LRRC8E: variants seen among roughly 807,000 people sequenced by gnomAD.
LRRC8E encodes volume-regulated anion channel subunit LRRC8E.
Under a neutral mutation model 6.1 loss-of-function variants are expected in LRRC8E, and 6 were observed. The observed-to-expected ratio is 0.98, with a 90% CI of 0.54 to 1.93. The LOEUF (loss-of-function observed/expected upper bound fraction) is 1.93, where lower values mean the gene tolerates loss of function less well. Ranked by LOEUF, LRRC8E falls within the 30% of genes most tolerant of loss-of-function variation. LRRC8E has a pLI of 0.01. For synonymous variants in LRRC8E, 485 were observed against 472.8 expected, an observed-to-expected ratio of 1.03 and a Z score of -0.33; for missense variants, 1,028 against 1,031.4, an observed-to-expected ratio of 1.00 and a Z score of 0.04.
At chr19:7,888,951 CAGAACCT>C (rs962928639) in intron 1 of LRRC8E, among the ~76,000 whole-genome samples, 5 of 152,184 alleles carry the variant, frequency 3.3e-5, no homozygotes, top group African/African-American at 4.8e-5. Flanking sequence ...CTCAGAGCTC[CAGAACCT>C]ACCACTTGGG....
At chr19:7,898,429 G>A (rs990097588) in intron 2 of LRRC8E, among the ~76,000 whole-genome samples, 1 of 151,760 alleles carries the variant, frequency 6.6e-6, no homozygotes, top group Non-Finnish European at 1.5e-5. Context: ...GCGCGATCTC[G>A]GCTCACTGCA....
rs539298408 is a variant in LRRC8E at position 7,890,766 on chromosome 19, G to A, written c.-6+2166G>A. 3.3e-5 allele frequency among the ~76,000 whole-genome samples: 5 copies of A among 151,948 alleles called. 1 individual carries two copies. In the South Asian group the frequency reaches 6.3e-4, roughly 19 times the overall value. On this transcript the variant is annotated intron_variant, in intron 1 of 2. Coordinates refer to ENST00000306708, the MANE Select transcript of LRRC8E (RefSeq NM_025061.6). ...ATCACACCACTGCACTCCAGCCTGG[G>A]CGACAGAGTGAGACTCTGTCTCAAA...
At chr19:7,889,870 C>A (rs915249210) in intron 1 of LRRC8E, among the ~76,000 whole-genome samples, 3 of 151,862 alleles carry the variant, frequency 2.0e-5, no homozygotes, top group African/African-American at 7.2e-5. Context: ...CTGCCTCAGC[C>A]TCCTGAGTAG....
chr19:7,900,190 T>G lies in LRRC8E; in HGVS notation c.1668T>G (p.Val556=), dbSNP rs1466408128. The change falls in exon 3 of 3, where the codon GTT becomes GTG. Residue 556 remains valine, a synonymous_variant. Coordinates refer to ENST00000306708, the MANE Select transcript of LRRC8E (RefSeq NM_025061.6). The surrounding 1 kb of genome is among the most constrained non-coding windows in gnomAD (Gnocchi z 5.0). ...AGKVPASVTD[V]AGHLQRLSLH... ...AGGTGCCAGCCAGTGTGACCGACGT[T>G]GCTGGCCACCTGCAGAGGCTCAGCC... 1 of 1,612,964 alleles carries G rather than the reference T, an allele frequency of 6.2e-7. No homozygotes were observed. The highest frequency in any genetic ancestry group is 8.5e-7 in the Non-Finnish European group (1 of 1,179,844).
chr19:7,899,279 A>G lies in LRRC8E; in HGVS notation c.757A>G (p.Thr253Ala). The change falls in exon 3 of 3, where the codon ACC becomes GCC. Residue 253 changes from threonine to alanine, a missense_variant. Transcript: ENST00000306708. ...MHVEEGDILY[T>A]MYIRQTVLKV... ...CGTGGAAGAGGGCGACATCCTGTACACCATGTACATCCGACAGACGGTGCT... is the reference window on the plus strand; with the variant it reads ...CGTGGAAGAGGGCGACATCCTGTACGCCATGTACATCCGACAGACGGTGCT... 2 of 1,614,182 alleles carry G rather than the reference A, an allele frequency of 1.2e-6. No homozygotes were observed. The highest frequency in any genetic ancestry group is 1.7e-6 in the Non-Finnish European group (2 of 1,180,030).
At chr19:7,896,765 T>A (rs1258196061) in intron 2 of LRRC8E, among the ~76,000 whole-genome samples, 1 of 151,936 alleles carries the variant, frequency 6.6e-6, no homozygotes, top group Non-Finnish European at 1.5e-5. Flanking sequence ...AGCTAATTTT[T>A]AAATTTCTTG....
At position 7,900,080 on chromosome 19, in the gene LRRC8E, C is replaced by G. The variant is rs753338599; in HGVS notation, c.1558C>G (p.Gln520Glu). Residue 520 changes from glutamine to glutamate, a missense_variant, in exon 3 of 3, where the codon CAG becomes GAG. Gln to Glu is a conservative substitution (Grantham distance 29, BLOSUM62 2). Coordinates refer to ENST00000306708, the MANE Select transcript of LRRC8E (RefSeq NM_025061.6). This position sits in a 1 kb window ranked among gnomAD's most constrained non-coding sequence, Gnocchi z 5.0. Reference sequence around the variant, plus strand: ...GCTGCACCTGGAGGGGCTTTTCCCCCAGGAGCTAGCTCGGGCAGCCACCCT... The same window carrying G: ...GCTGCACCTGGAGGGGCTTTTCCCCGAGGAGCTAGCTCGGGCAGCCACCCT... ...EELHLEGLFP[Q>E]ELARAATLES... 1 of 1,612,180 alleles carries G rather than the reference C, an allele frequency of 6.2e-7. No individual in the cohort carries two copies. Among genetic ancestry groups the G allele is most frequent in the Non-Finnish European group, 8.5e-7 (1 of 1,179,826 alleles).
chr19:7,892,393 A>AGAAATG (rs1981362662), intron 1 of LRRC8E, among the ~76,000 whole-genome samples: 1 of 151,974 alleles, frequency 6.6e-6, no homozygotes, highest in South Asian at 2.1e-4. Context: ...ATTTTTTTGT[A>AGAAATG]GAAATGGGGT....
At position 7,898,721 on chromosome 19, in the gene LRRC8E, GC is replaced by G; in HGVS notation, c.203del (p.Pro68ArgfsTer120). On this transcript the variant is annotated frameshift_variant, in exon 3 of 3. Coordinates refer to ENST00000306708, the MANE Select transcript of LRRC8E (RefSeq NM_025061.6). LOFTEE classifies it low-confidence loss of function (END_TRUNC). ...NHELQENLSEAPCQQLLPRGI... is the reference protein window; with the variant it reads ...NHELQENLSEXPCQQLLPRGI... ...TGAGCTCCAGGAGAACTTATCAGAGGCCCCGTGCCAGCAATTGCTGCCTCGG... is the reference window on the plus strand; with the variant it reads ...TGAGCTCCAGGAGAACTTATCAGAGGCCCGTGCCAGCAATTGCTGCCTCGG... 3.7e-6 allele frequency: 6 copies of G among 1,613,800 alleles called. No homozygotes were observed. The highest frequency in any genetic ancestry group is 5.1e-6 in the Non-Finnish European group (6 of 1,179,830).
intron 1 of LRRC8E, among the ~76,000 whole-genome samples, chr19:7,894,108 G>A (rs958372452): frequency 2.0e-5 from 3 of 152,192 alleles, no homozygotes; most frequent in Non-Finnish European, 4.4e-5. Context: ...TGGGTCAGGG[G>A]ACCAGGGTTT....
Position 7,900,803 on chromosome 19 carries a change from C to T in LRRC8E, c.2281C>T (p.Pro761Ser). Residue 761 changes from proline to serine, a missense_variant, in exon 3 of 3, where the codon CCA becomes TCA. Transcript: ENST00000306708. This position sits in a 1 kb window ranked among gnomAD's most constrained non-coding sequence, Gnocchi z 5.0. ...CAAAGGCAACCGCTTAGAGGCGCTG[C>T]CAGAAGAACTTGGCAACTGTGGGGG... ...ELKGNRLEAL[P>S]EELGNCGGLK... The T allele has an allele frequency of 6.3e-7, 1 of 1,599,236 alleles. No individual in the cohort carries two copies. The highest frequency in any genetic ancestry group is 8.5e-7 in the Non-Finnish European group (1 of 1,171,658).
chr19:7,901,415 A>C lies in LRRC8E; in HGVS notation c.*502A>C, dbSNP rs1014335066. On this transcript the variant is annotated 3_prime_UTR_variant, in exon 3 of 3. Transcript: ENST00000306708. ...CCGAACAATGGTTCTCATTTGGCTA[A>C]GCATCAAAATCACCTAGGGAGTCGG... 6.6e-6 allele frequency: 1 copy of C among 152,614 alleles called. No individual in the cohort carries two copies. The highest frequency in any genetic ancestry group is 2.4e-5 in the African/African-American group (1 of 41,442). The allele number at this position is 152,614 out of a possible 1,614,324, so 9.5% of individuals were successfully genotyped here. A position where few individuals can be genotyped will look rare whatever the true frequency, so the allele number is the denominator to read the frequency against.
chr19:7,891,745 TA>T (rs1981328192), intron 1 of LRRC8E, among the ~76,000 whole-genome samples: 1 of 152,134 alleles, frequency 6.6e-6, no homozygotes, highest in African/African-American at 2.4e-5. Flanking sequence ...TAGCTGGGAT[TA>T]CAGGCATCCA....
intron 1 of LRRC8E, among the ~76,000 whole-genome samples, chr19:7,891,872 A>G (rs1394173307): frequency 6.6e-6 from 1 of 151,912 alleles, no homozygotes; most frequent in Non-Finnish European, 1.5e-5. Context: ...GGCCTCCCAA[A>G]GTGCTGGGAT....
At chr19:7,898,320 C>T (rs1464026885) in intron 2 of LRRC8E, among the ~76,000 whole-genome samples, 1 of 151,876 alleles carries the variant, frequency 6.6e-6, no homozygotes, top group Non-Finnish European at 1.5e-5. Flanking sequence ...CTCCCACCTT[C>T]AGCCTGCTTT....
At chr19:7,889,164 AG>A (rs990713295) in intron 1 of LRRC8E, among the ~76,000 whole-genome samples, 2 of 152,058 alleles carry the variant, frequency 1.3e-5, no homozygotes, top group African/African-American at 4.8e-5. Context: ...TAAATGGTTG[AG>A]GCTCAGCCGG....
In LRRC8E at chr19:7,900,744, T is replaced by C. The variant is rs1391220359; in HGVS notation, c.2222T>C (p.Val741Ala). ...DNQLSQLSPH[V>A]GALRALSRLE... ...CAGCTGAGCCAGCTCTCGCCCCACG[T>C]GGGTGCCCTCAGAGCCCTCAGCCGC... The change falls in exon 3 of 3, where the codon GTG (valine) becomes GCG (alanine). Residue 741 changes from valine to alanine, a missense_variant. Val to Ala is a moderately conservative substitution (Grantham distance 64). Transcript: ENST00000306708. The surrounding 1 kb of genome is among the most constrained non-coding windows in gnomAD (Gnocchi z 5.0). 1.2e-6 allele frequency: 2 copies of C among 1,612,752 alleles called. No individual in the cohort carries two copies. Among genetic ancestry groups the C allele is most frequent in the Admixed American group, 3.3e-5 (2 of 60,018 alleles).
chr19:7,899,371 G>T lies in LRRC8E; in HGVS notation c.849G>T (p.Leu283=), dbSNP rs761445353. 1.2e-6 allele frequency: 2 copies of T among 1,614,074 alleles called. No homozygotes were observed. The highest frequency in any genetic ancestry group is 3.3e-5 in the Admixed American group (2 of 60,010). ...NLVYVEKISF[L]VACRVETSEV... ...TCTATGTGGAGAAGATCAGTTTCCT[G>T]GTGGCCTGTAGGGTGGAGACGTCAG... The change falls in exon 3 of 3, where the codon CTG becomes CTT. Residue 283 remains leucine, a synonymous_variant. Transcript: ENST00000306708.
At position 7,895,469 on chromosome 19, in the gene LRRC8E, T is replaced by G; in HGVS notation, c.-5-130T>G. The G allele has an allele frequency of 8.9e-7, 1 of 1,129,320 alleles. No individual in the cohort carries two copies. Among genetic ancestry groups the G allele is most frequent in the Non-Finnish European group, 1.3e-6 (1 of 777,698 alleles). 70.0% of individuals were successfully genotyped at this position (1,129,320 alleles called of 1,614,324 possible). A position where few individuals can be genotyped will look rare whatever the true frequency, so the allele number is the denominator to read the frequency against. On this transcript the variant is annotated intron_variant, in intron 1 of 2. Transcript: ENST00000306708. The surrounding 1 kb of genome is among the most constrained non-coding windows in gnomAD (Gnocchi z 4.7). ...AAGAGGGAAGTGGGGGCACACACTT[T>G]GGTGGTTTGGACAAGTTTGGGCAGG...
Sources: gnomAD v4.1 joint callset for allele counts (sites outside exome capture counted in the v4.1 genomes callset) on GRCh38, gnomAD v4.1.1 for gene constraint, Gnocchi (gnomAD v3.1) non-coding constraint, MANE v1.5 for transcripts, NCBI Gene and HGNC (gene_info 2026-07-23, HGNC 2026-07-21) for gene names.